NME6: variants seen among roughly 807,000 people sequenced by gnomAD.
The protein encoded by NME6 is NME/NM23 nucleoside diphosphate kinase 6.
Under a neutral mutation model 22.2 loss-of-function variants are expected in NME6, and 16 were observed. The observed-to-expected ratio is 0.72, with a 90% CI of 0.49 to 1.09. NME6 has a LOEUF of 1.09. Among genes scored for constraint, NME6 ranks in the 50% least tolerant of loss-of-function variants. The pLI, the probability that NME6 is intolerant of heterozygous loss-of-function variation, is 0.00. For missense variants in NME6, 229 were observed against 239.0 expected (o/e 0.96, Z 0.28); for synonymous variants, 58 against 85.2 (o/e 0.68, Z 1.76).
chr3:48,291,414 A>C, downstream of NME6: 2 of 369,668 alleles, frequency 5.4e-6, no homozygotes, highest in Non-Finnish European at 5.2e-6. Flanking sequence ...ACAGGGTCTC[A>C]CTGTCACCCA....
chr3:48,290,282 A>C (rs1243217167), downstream of NME6, among the ~76,000 whole-genome samples: 4 of 151,828 alleles, frequency 2.6e-5, no homozygotes, highest in East Asian at 5.8e-4. Flanking sequence ...CCTGAACTAC[A>C]CAGATGTAAA....
At chr3:48,299,276 G>C in intron 1 of NME6, 1 of 308,950 alleles carries the variant, frequency 3.2e-6, no homozygotes. Flanking sequence ...TATTCCTAAT[G>C]TCTAGCATGG....
At chr3:48,291,110 T>G (rs1056194421), downstream of NME6, 6 of 296,286 alleles carry the variant, frequency 2.0e-5, no homozygotes, top group Admixed American at 2.0e-4. Context: ...TATAGACAGT[T>G]CATCACTGAT....
chr3:48,296,889 A>G, intron 2 of NME6, 60 bp from the exon 3 acceptor site: 1 of 1,289,980 alleles, frequency 7.8e-7, no homozygotes, highest in Non-Finnish European at 1.1e-6. Flanking sequence ...GACCAAAAGA[A>G]ACCATGAGGA....
At chr3:48,290,839 G>GT (rs2034401299), downstream of NME6, 1 of 201,858 alleles carries the variant, frequency 5.0e-6, no homozygotes, top group Non-Finnish European at 1.0e-5. Flanking sequence ...TTCCCATGTT[G>GT]TATCTATGGT....
downstream of NME6, among the ~76,000 whole-genome samples, chr3:48,289,719 A>G (rs1053812109): frequency 6.6e-6 from 1 of 152,218 alleles, no homozygotes; most frequent in African/African-American, 2.4e-5. Context: ...AGCAATAGGT[A>G]ACTAGTGTGC....
intron 2 of NME6, 37 bp downstream of exon 2, chr3:48,298,390 C>T (rs1303566488): frequency 1.9e-6 from 3 of 1,575,892 alleles, no homozygotes; most frequent in African/African-American, 1.3e-5. Context: ...GTAGCAATTC[C>T]CAGGGCATGC....
Position 48,300,460 on chromosome 3 carries a change from A to G in NME6, c.-8+893T>C, listed in dbSNP as rs529534050. ...GTGATCTTAGCTCACTTCCCGTTAC[A>G]CTTTCTCACAGCTCCTTGCAAGTTC... On this transcript the variant is annotated intron_variant, in intron 1 of 5. Coordinates refer to ENST00000442597, the MANE Select transcript of NME6 (RefSeq NM_001308426.2). 8 of 401,940 alleles carry G rather than the reference A, an allele frequency of 2.0e-5. No homozygotes were observed. The East Asian group carries it at 5.0e-4, about 25-fold the overall frequency. The allele number at this position is 401,940 out of a possible 1,614,324, so 24.9% of individuals were successfully genotyped here.
In NME6 at chr3:48,296,224, T is replaced by C. The variant is rs778632730; in HGVS notation, c.194-66A>G. Reference sequence around the variant, plus strand: ...GGTGCCCAAGGCAACTTTCTGTACTTCTACCTCCTTACCTAGAATAATAAA... The same window carrying C: ...GGTGCCCAAGGCAACTTTCTGTACTCCTACCTCCTTACCTAGAATAATAAA... On this transcript the variant is annotated intron_variant, in intron 3 of 5. Transcript: ENST00000442597. 6.8e-6 allele frequency: 11 copies of C among 1,607,890 alleles called. No individual in the cohort carries two copies. In the South Asian group the frequency reaches 1.2e-4, roughly 18 times the overall value.
At chr3:48,292,002 T>G (rs1399144253), downstream of NME6, 1 of 152,256 alleles carries the variant, frequency 6.6e-6, no homozygotes, top group Non-Finnish European at 1.5e-5. Context: ...CCTGACCTTG[T>G]GATCCGCCCG....
At chr3:48,290,333 C>T (rs1359319531), downstream of NME6, among the ~76,000 whole-genome samples, 1 of 151,788 alleles carries the variant, frequency 6.6e-6, no homozygotes, top group Non-Finnish European at 1.5e-5. Flanking sequence ...CAAATTATTT[C>T]TTACTGTAAA....
At position 48,293,979 on chromosome 3, in the gene NME6, G is replaced by A. The variant is rs560768296; in HGVS notation, c.*658C>T. The stretch of plus-strand genomic sequence containing the variant: ...GAAGCCTGAAAAGTTTCCCCTAAAT[G>A]TGGCAGCATAAAGGATTCAGGAGAA... On this transcript the variant is annotated 3_prime_UTR_variant, in exon 6 of 6. Coordinates refer to ENST00000442597, the MANE Select transcript of NME6 (RefSeq NM_001308426.2). 2.0e-5 allele frequency: 3 copies of A among 152,294 alleles called. No homozygotes were observed. Among genetic ancestry groups the A allele is most frequent in the Non-Finnish European group, 2.9e-5 (2 of 68,024 alleles). 9.4% of individuals were successfully genotyped at this position (152,294 alleles called of 1,614,324 possible).
At chr3:48,298,773 G>A (rs2035396958) in intron 1 of NME6, among the ~76,000 whole-genome samples, 1 of 152,198 alleles carries the variant, frequency 6.6e-6, no homozygotes, top group South Asian at 2.1e-4. Context: ...GCAACTGTAA[G>A]CCTATGAGGG....
downstream of NME6, among the ~76,000 whole-genome samples, chr3:48,289,121 A>AT (rs1299044948): frequency 2.6e-5 from 4 of 151,840 alleles, no homozygotes; most frequent in African/African-American, 9.7e-5. Flanking sequence ...CTGGAGTGCA[A>AT]TGGCGTGATC....
chr3:48,289,766 G>A (rs559261162), downstream of NME6, among the ~76,000 whole-genome samples: 188 of 152,290 alleles, frequency 1.2e-3, 2 homozygotes, highest in African/African-American at 4.3e-3. Context: ...ACATGTTCAC[G>A]ATTGTTCAAT....
At position 48,293,178 on chromosome 3, in the gene NME6, C is replaced by CACTTCTCTTGAGTTTCCTTCG. The variant is rs2034683979; in HGVS notation, c.*1458_*1459insCGAAGGAAACTCAAGAGAAGT. 6.6e-6 allele frequency: 1 copy of CACTTCTCTTGAGTTTCCTTCG among 152,238 alleles called. No homozygotes were observed. The highest frequency in any genetic ancestry group is 1.5e-5 in the Non-Finnish European group (1 of 68,044). 9.4% of individuals were successfully genotyped at this position (152,238 alleles called of 1,614,324 possible). On this transcript the variant is annotated 3_prime_UTR_variant, in exon 6 of 6. Coordinates refer to ENST00000442597, the MANE Select transcript of NME6 (RefSeq NM_001308426.2). ...AGGTGCCCTTATGGGAAAAGTAGCT[C>CACTTCTCTTGAGTTTCCTTCG]TAAGTCCCAGGCTCACTTCTCTTGA...
intron 5 of NME6, 35 bp downstream of exon 5, chr3:48,295,040 C>T (rs772364141): frequency 6.3e-7 from 1 of 1,596,580 alleles, no homozygotes; most frequent in South Asian, 1.1e-5. Flanking sequence ...CCCGCTAACC[C>T]CAAAATATCC....
chr3:48,295,162 T>C lies in NME6; in HGVS notation c.307A>G (p.Arg103Gly). Residue 103 changes from arginine to glycine, a missense_variant, in exon 5 of 6, where the codon AGA (arginine) becomes GGA (glycine). By Grantham distance (125) the Arg-to-Gly change is moderately radical. Coordinates refer to ENST00000442597, the MANE Select transcript of NME6 (RefSeq NM_001308426.2). ...GCCACATGGCGTGCTCGGAACACTC[T>C]GGTGGGTCCCATGAGCGTCCTCCAG... ...QLWRTLMGPT[R>G]VFRARHVAPD... 1 of 1,614,196 alleles carries C rather than the reference T, an allele frequency of 6.2e-7. No individual in the cohort carries two copies. The highest frequency in any genetic ancestry group is 8.5e-7 in the Non-Finnish European group (1 of 1,180,034).
At chr3:48,298,171 A>G (rs1305614913) in intron 2 of NME6, 2 of 508,702 alleles carry the variant, frequency 3.9e-6, no homozygotes, top group South Asian at 2.0e-5. Flanking sequence ...TGTGTTATGT[A>G]GCAATAGAAA....
Sources: allele counts gnomAD v4.1 joint callset (sites outside exome capture counted in the v4.1 genomes callset), GRCh38; gene constraint gnomAD v4.1.1; transcripts MANE v1.5; gene names NCBI Gene and HGNC (gene_info 2026-07-23, HGNC 2026-07-21).